Variants in MSANTD2 observed in about 807,000 individuals in gnomAD.
MSANTD2 encodes the protein Myb/SANT DNA binding domain containing 2, also known as myb/SANT-like DNA-binding domain-containing protein 2.
In MSANTD2, 19 loss-of-function variants were observed where a neutral mutation model predicts 52.6. The observed-to-expected ratio is 0.36, with a 90% confidence interval of 0.25 to 0.53. The LOEUF is 0.53. MSANTD2 is among the 20% of genes least tolerant of loss of function. MSANTD2 has a pLI of 0.91. For synonymous variants in MSANTD2, 291 were observed against 289.7 expected, an observed-to-expected ratio of 1.00 and a Z score of -0.04; for missense variants, 558 against 716.3, an observed-to-expected ratio of 0.78 and a Z score of 2.52.
At chr11:124,775,127 GA>G (rs968508658) in intron 1 of MSANTD2, 153 bp from the exon 2 acceptor site, 52 of 639,418 alleles carry the variant, frequency 8.1e-5, no homozygotes, top group African/African-American at 1.6e-4. Context: ...TATTATATTA[GA>G]AAAAAATACT....
At chr11:124,772,645 G>A (rs1284612755) in intron 3 of MSANTD2, among the ~76,000 whole-genome samples, 2 of 149,698 alleles carry the variant, frequency 1.3e-5, no homozygotes, top group East Asian at 2.0e-4. Context: ...GCTGAGGCAG[G>A]AGAATGGCGT....
chr11:124,767,238 C>A lies in MSANTD2; in HGVS notation c.1618G>T (p.Ala540Ser). The A allele has an allele frequency of 2.5e-6, 4 of 1,613,770 alleles. No individual in the cohort carries two copies. The highest frequency in any genetic ancestry group is 3.4e-6 in the Non-Finnish European group (4 of 1,179,910). Residue 540 changes from alanine to serine, a missense_variant, in exon 4 of 4, where the codon GCA becomes TCA. Physicochemically the swap from Ala to Ser is moderately conservative, Grantham distance 99 (BLOSUM62 1). Coordinates refer to ENST00000374979, the MANE Select transcript of MSANTD2 (RefSeq NM_001308027.2). This position sits in a 1 kb window ranked among gnomAD's most constrained non-coding sequence, Gnocchi z 6.5. ...FVEVERDFLS[A>S]GSLVECLEKA... is the part of the protein sequence containing the mutation. ...TCCAGGCACTCAACTAAAGAGCCTG[C>A]GGAAAGAAAATCCCTCTCTACTTCT...
intron 1 of MSANTD2, among the ~76,000 whole-genome samples, chr11:124,781,047 G>A (rs543692688): frequency 6.6e-6 from 1 of 152,218 alleles, no homozygotes; most frequent in African/African-American, 2.4e-5. Flanking sequence ...GCCAGGCGTG[G>A]TGGTGGGCAC....
At chr11:124,786,287 C>T (rs1279401592) in intron 1 of MSANTD2, among the ~76,000 whole-genome samples, 1 of 151,898 alleles carries the variant, frequency 6.6e-6, no homozygotes, top group African/African-American at 2.4e-5. Context: ...TCTCTGTTTT[C>T]TTATTTCCTG....
At chr11:124,796,726 C>T (rs576858458) in intron 1 of MSANTD2, among the ~76,000 whole-genome samples, 3 of 152,194 alleles carry the variant, frequency 2.0e-5, no homozygotes, top group African/African-American at 4.8e-5. Context: ...CTTTAGTCTG[C>T]GTAAGAAGTT....
chr11:124,786,482 T>C (rs1945166675), intron 1 of MSANTD2, among the ~76,000 whole-genome samples: 1 of 152,190 alleles, frequency 6.6e-6, no homozygotes, highest in South Asian at 2.1e-4. Context: ...GCCACATCCT[T>C]ACCTGCTTTT....
intron 1 of MSANTD2, chr11:124,789,591 C>G (rs1486818558): frequency 6.6e-6 from 1 of 151,982 alleles, no homozygotes; most frequent in African/African-American, 2.4e-5. Flanking sequence ...ACAACACATC[C>G]TACTAAGTGA....
chr11:124,793,120 A>T (rs1010196382), intron 1 of MSANTD2, among the ~76,000 whole-genome samples: 5 of 152,188 alleles, frequency 3.3e-5, no homozygotes, highest in African/African-American at 9.7e-5. Context: ...TCCCCCTCTT[A>T]TTTATATTGT....
intron 1 of MSANTD2, among the ~76,000 whole-genome samples, chr11:124,785,998 T>C (rs193150050): frequency 6.6e-6 from 1 of 152,052 alleles, no homozygotes; most frequent in African/African-American, 2.4e-5. Flanking sequence ...ATTTACTTTT[T>C]TGCTACCATT....
chr11:124,798,168 T>G (rs1238621162), intron 1 of MSANTD2, among the ~76,000 whole-genome samples: 1 of 145,996 alleles, frequency 6.8e-6, no homozygotes, highest in Non-Finnish European at 1.5e-5. Context: ...TTTGGGAGAC[T>G]GAGGCAGGAC....
At position 124,797,277 on chromosome 11, in the gene MSANTD2, G is replaced by A. The variant is rs1164485424; in HGVS notation, c.510+2594C>T. 1.1e-4 allele frequency among the ~76,000 whole-genome samples: 17 copies of A among 152,272 alleles called. 2 individuals carry two copies. Among genetic ancestry groups the A allele is most frequent in the Admixed American group, 1.1e-3 (17 of 15,288 alleles). On this transcript the variant is annotated intron_variant, in intron 1 of 3. Transcript: ENST00000374979. ...AGGCAGGCGGATCGCTTGATTCTAG[G>A]AGTTTGAGACCAGTCTAGGCAACAC...
At position 124,766,620 on chromosome 11, in the gene MSANTD2, ACT is replaced by A. The variant is rs1944307691; in HGVS notation, c.*554_*555del. ...CAATACTGATTGGAAATAGCAAAAC[ACT>A]TGGCTGGTGAAAAAAATGAAAATCT... is the stretch of plus-strand genomic sequence containing the variant. On this transcript the variant is annotated 3_prime_UTR_variant, in exon 4 of 4. Coordinates refer to ENST00000374979, the MANE Select transcript of MSANTD2 (RefSeq NM_001308027.2). The A allele has an allele frequency of 6.6e-6, 1 of 152,620 alleles. No individual in the cohort carries two copies. The highest frequency in any genetic ancestry group is 6.5e-5 in the Admixed American group (1 of 15,286). 9.5% of individuals were successfully genotyped at this position (152,620 alleles called of 1,614,324 possible).
At chr11:124,799,531 G>A (rs989030073) in intron 1 of MSANTD2, among the ~76,000 whole-genome samples, 18 of 152,206 alleles carry the variant, frequency 1.2e-4, no homozygotes, top group Non-Finnish European at 1.6e-4. Context: ...ACAAAGCGAG[G>A]GGCCCCGGCG....
Position 124,791,218 on chromosome 11 carries a change from C to T in MSANTD2, c.510+8653G>A, listed in dbSNP as rs145515178. The T allele has an allele frequency of 3.8e-6, 5 of 1,321,570 alleles. 1 individual carries two copies. In the African/African-American group the frequency reaches 5.8e-5, roughly 15 times the overall value. 81.9% of individuals were successfully genotyped at this position (1,321,570 alleles called of 1,614,324 possible). A position where few individuals can be genotyped will look rare whatever the true frequency, so the allele number is the denominator to read the frequency against. On this transcript the variant is annotated intron_variant, in intron 1 of 3. Coordinates refer to ENST00000374979, the MANE Select transcript of MSANTD2 (RefSeq NM_001308027.2). ...GCATGTGAGGGACATTTGGAGAATG[C>T]CATCATTGACCATCAATGGGGTCAC...
chr11:124,791,605 A>G (rs1179745161), intron 1 of MSANTD2: 20 of 1,475,410 alleles, frequency 1.4e-5, no homozygotes, highest in South Asian at 3.4e-5. Context: ...CCGCTGCCCA[A>G]TATCAGTGGG....
At chr11:124,785,359 G>A (rs1207919404) in intron 1 of MSANTD2, among the ~76,000 whole-genome samples, 5 of 152,314 alleles carry the variant, frequency 3.3e-5, no homozygotes, top group Non-Finnish European at 5.9e-5. Context: ...AAAGAGAGTC[G>A]GAGGAGACTG....
rs1944651203 is a variant in MSANTD2, at chr11:124,774,196, G to T, written c.766+523C>A. ...AATAACAGCTCTATTCAAGATAAAT[G>T]GAGGCTTCCCCTCATTTTGTGTTCA... On this transcript the variant is annotated intron_variant, in intron 2 of 3. Transcript: ENST00000374979. This position sits in a 1 kb window ranked among gnomAD's most constrained non-coding sequence, Gnocchi z 5.1. Among the ~76,000 whole-genome samples the T allele has an allele frequency of 6.6e-6, 1 of 152,164 alleles. No individual in the cohort carries two copies. Among genetic ancestry groups the T allele is most frequent in the African/African-American group, 2.4e-5 (1 of 41,448 alleles).
chr11:124,766,726 C>T lies in MSANTD2; in HGVS notation c.*450G>A, dbSNP rs2135221965. ...GAATCAAGATTTAACTTGCCATTATCTATTGCTTATTTATTCAGGGTTGTA... is the reference window on the plus strand; with the variant it reads ...GAATCAAGATTTAACTTGCCATTATTTATTGCTTATTTATTCAGGGTTGTA... On this transcript the variant is annotated 3_prime_UTR_variant, in exon 4 of 4. Coordinates refer to ENST00000374979, the MANE Select transcript of MSANTD2 (RefSeq NM_001308027.2). 1 of 153,462 alleles carries T rather than the reference C, an allele frequency of 6.5e-6. No homozygotes were observed. The highest frequency in any genetic ancestry group is 2.4e-5 in the African/African-American group (1 of 41,544). The allele number at this position is 153,462 out of a possible 1,614,324, so 9.5% of individuals were successfully genotyped here.
chr11:124,780,020 A>T (rs1591456241), intron 1 of MSANTD2, among the ~76,000 whole-genome samples: 1 of 152,232 alleles, frequency 6.6e-6, no homozygotes, highest in African/African-American at 2.4e-5. Context: ...TGTAACTGTT[A>T]AAACTAGTTG....
Sources: gnomAD v4.1 joint callset for allele counts (sites outside exome capture counted in the v4.1 genomes callset) on GRCh38, gnomAD v4.1.1 for gene constraint, Gnocchi (gnomAD v3.1) non-coding constraint, MANE v1.5 for transcripts, NCBI Gene and HGNC (gene_info 2026-07-23, HGNC 2026-07-21) for gene names.